The following EVA1B variants were observed in gnomAD, a reference collection of about 807,000 sequenced individuals.
EVA1B encodes eva-1 homolog B, also known as protein eva-1 homolog B.
A neutral mutation model predicts 4.6 loss-of-function variants in EVA1B; 2 were observed. The observed-to-expected ratio is 0.43, with a 90% CI of 0.18 to 1.37. EVA1B has a LOEUF of 1.37. Among genes scored for constraint, EVA1B ranks in the 40% most tolerant of loss-of-function variants. The probability of loss-of-function intolerance (pLI) is 0.28; values close to 1 mark genes in which losing one functional copy is unlikely to be tolerated. For missense variants in EVA1B, 263 were observed against 240.4 expected, an observed-to-expected ratio of 1.09 and a Z score of -0.62; for synonymous variants, 124 against 115.8, an observed-to-expected ratio of 1.07 and a Z score of -0.46.
Position 36,322,677 on chromosome 1 carries a change from C to A in EVA1B, c.116G>T (p.Gly39Val). The change falls in exon 3 of 3, where the codon GGC becomes GTC. Residue 39 changes from glycine to valine, a missense_variant. Transcript: ENST00000490466. Reference protein sequence around the residue: ...GLYFVLGVCFGLLLTLCLLVI... With the variant: ...GLYFVLGVCFVLLLTLCLLVI... ...GAGCAGGCAGAGGGTGAGCAGCAGG[C>A]CGAAGCAGACGCCCAGCACGAAGTA... The A allele has an allele frequency of 6.5e-7, 1 of 1,547,188 alleles. No homozygotes were observed. Among genetic ancestry groups the A allele is most frequent in the Non-Finnish European group, 8.7e-7 (1 of 1,146,782 alleles).
Position 36,322,961 on chromosome 1 carries a change from C to T in EVA1B, c.67+10G>A. ...GTTCAGGCCCCCAGTCTTCCGGCGCCCGCCCTCACCGCGGATGTGCGCGTA... is the reference window on the plus strand; with the variant it reads ...GTTCAGGCCCCCAGTCTTCCGGCGCTCGCCCTCACCGCGGATGTGCGCGTA... On this transcript the variant is annotated intron_variant, in intron 2 of 2. Transcript: ENST00000490466. 6.2e-7 allele frequency: 1 copy of T among 1,606,352 alleles called. No homozygotes were observed. The highest frequency in any genetic ancestry group is 8.5e-7 in the Non-Finnish European group (1 of 1,177,232).
At chr1:36,323,667 CGGGCGGGGAGGCGGGGA>C (rs1256869382), upstream of EVA1B, 2 of 151,014 alleles carry the variant, frequency 1.3e-5, no homozygotes, top group African/African-American at 2.4e-5. Context: ...CGGGGCGGGG[CGGGCGGGGAGGCGGGGA>C]GGAAAAGGGC....
In EVA1B at chr1:36,322,966, C is replaced by T. The variant is rs1262787388; in HGVS notation, c.67+5G>A. 1.5e-5 allele frequency: 24 copies of T among 1,606,180 alleles called. No individual in the cohort carries two copies. The highest frequency in any genetic ancestry group is 2.0e-5 in the Non-Finnish European group (24 of 1,177,232). The stretch of plus-strand genomic sequence containing the variant: ...GGCCCCCAGTCTTCCGGCGCCCGCC[C>T]TCACCGCGGATGTGCGCGTAGGCAG... On this transcript the variant is annotated splice_donor_5th_base_variant and intron_variant, in intron 2 of 2. Coordinates refer to ENST00000490466, the MANE Select transcript of EVA1B (RefSeq NM_001304762.2).
rs2124707365 is a variant in EVA1B at position 36,323,524 on chromosome 1, G to GCCGCCC, written c.-102_-97dup. ...CCCGCGGCCGCATACACTGGGTCCG[G>GCCGCCC]CCGCCCCCGCCCGCTCGGGTCCCGC... is the stretch of plus-strand genomic sequence containing the variant. On this transcript the variant is annotated 5_prime_UTR_variant, in exon 1 of 3. Transcript: ENST00000490466. 6.6e-6 allele frequency: 1 copy of GCCGCCC among 152,184 alleles called. No homozygotes were observed. Among genetic ancestry groups the GCCGCCC allele is most frequent in the Non-Finnish European group, 1.5e-5 (1 of 68,052 alleles). 9.4% of individuals were successfully genotyped at this position (152,184 alleles called of 1,614,324 possible).
chr1:36,322,219 C>A lies in EVA1B; in HGVS notation c.*76G>T. 1 of 1,406,154 alleles carries A rather than the reference C, an allele frequency of 7.1e-7. No homozygotes were observed. Among genetic ancestry groups the A allele is most frequent in the Non-Finnish European group, 9.2e-7 (1 of 1,081,934 alleles). The allele number at this position is 1,406,154 out of a possible 1,614,324, so 87.1% of individuals were successfully genotyped here. A position where few individuals can be genotyped will look rare whatever the true frequency, so the allele number is the denominator to read the frequency against. On this transcript the variant is annotated 3_prime_UTR_variant, in exon 3 of 3. Transcript: ENST00000490466. Reference sequence around the variant, plus strand: ...TGGGAGCTGTGGGGGCCGAGGCAGTCCGAAGGTGTGGGGTAGCTCTGAGCT... The same window carrying A: ...TGGGAGCTGTGGGGGCCGAGGCAGTACGAAGGTGTGGGGTAGCTCTGAGCT...
Position 36,322,395 on chromosome 1 carries a change from C to T in EVA1B, c.398G>A (p.Arg133Gln), listed in dbSNP as rs1316690738. The change falls in exon 3 of 3, where the codon CGG (arginine) becomes CAG (glutamine). Residue 133 changes from arginine to glutamine, a missense_variant. Arg to Gln is a conservative substitution (Grantham distance 43). Transcript: ENST00000490466. ...QRLEERERIL[R>Q]EIWRTGQPDL... ...CGGCTGCCCGGTGCGCCAGATCTCC[C>T]GCAGGATCCGTTCGCGCTCCTCCAG... 3.1e-6 allele frequency: 5 copies of T among 1,598,408 alleles called. No homozygotes were observed. Among genetic ancestry groups the T allele is most frequent in the Admixed American group, 3.3e-5 (2 of 59,762 alleles).
chr1:36,322,317 A>T lies in EVA1B; in HGVS notation c.476T>A (p.Leu159Gln). The T allele has an allele frequency of 6.4e-7, 1 of 1,555,116 alleles. No individual in the cohort carries two copies. The highest frequency in any genetic ancestry group is 1.4e-5 in the African/African-American group (1 of 73,582). Residue 159 changes from leucine to glutamine, a missense_variant, in exon 3 of 3, where the codon CTG (leucine) becomes CAG (glutamine). Leu to Gln is a moderately radical substitution (Grantham distance 113, BLOSUM62 -2). Transcript: ENST00000490466. ...CCATCAGTAATAGTGCATGCGGCCC[A>T]GGGTGCCCGTGGCCGTGGGGCTGGG... ...LGPSPTATGTLGRMHYY is the reference protein window; with the variant it reads ...LGPSPTATGTQGRMHYY
chr1:36,323,706 G>A (rs1646509222), upstream of EVA1B: 1 of 152,108 alleles, frequency 6.6e-6, no homozygotes, highest in Admixed American at 6.5e-5. Flanking sequence ...GGGAGAGGAA[G>A]GGGAGAGGAG....
chr1:36,322,885 G>A, intron 2 of EVA1B, 86 bp downstream of exon 2: 2 of 1,552,814 alleles, frequency 1.3e-6, no homozygotes, highest in Non-Finnish European at 1.8e-6. Flanking sequence ...GAGCGGGGCG[G>A]AGGGGACGGA....
At chr1:36,324,133 CT>C (rs1646516435), upstream of EVA1B, 2 of 152,248 alleles carry the variant, frequency 1.3e-5, no homozygotes, top group Admixed American at 1.3e-4. Context: ...TCCACCCCTC[CT>C]TCCAGGGCCC....
intron 1 of EVA1B, 134 bp downstream of exon 1, chr1:36,323,325 G>T: frequency 2.5e-6 from 1 of 395,484 alleles, no homozygotes; most frequent in South Asian, 3.9e-5. Flanking sequence ...GCCCGGTTCC[G>T]CCGTCCCGGG....
rs1646507136 is a variant in EVA1B, at chr1:36,323,645, G to A, written c.-217C>T. On this transcript the variant is annotated 5_prime_UTR_variant, in exon 1 of 3. Transcript: ENST00000490466. ...GCGGAAAGTTTCCTCCGAGGAAAGA[G>A]GAGGGACGGGGCGGGGCGGGGCGGG... 6.6e-6 allele frequency: 1 copy of A among 152,170 alleles called. No homozygotes were observed. The allele number at this position is 152,170 out of a possible 1,614,324, so 9.4% of individuals were successfully genotyped here.
In EVA1B at chr1:36,322,344, C is replaced by G. The variant is rs1359846535; in HGVS notation, c.449G>C (p.Gly150Ala). ...GGTGCCCGTGGCCGTGGGGCTGGGCCCCAGCGTGCCTGTGCCCAGCAGGTC... is the reference window on the plus strand; with the variant it reads ...GGTGCCCGTGGCCGTGGGGCTGGGCGCCAGCGTGCCTGTGCCCAGCAGGTC... The part of the protein sequence containing the change: ...QPDLLGTGTL[G>A]PSPTATGTLG... Residue 150 changes from glycine to alanine, a missense_variant, in exon 3 of 3, where the codon GGG becomes GCG. Transcript: ENST00000490466. The G allele has an allele frequency of 6.3e-7, 1 of 1,579,090 alleles. No homozygotes were observed. Among genetic ancestry groups the G allele is most frequent in the Non-Finnish European group, 8.5e-7 (1 of 1,170,900 alleles).
intron 2 of EVA1B, 90 bp downstream of exon 2, chr1:36,322,881 G>T: frequency 6.5e-7 from 1 of 1,549,284 alleles, no homozygotes; most frequent in Non-Finnish European, 8.8e-7. Flanking sequence ...CGGGGAGCGG[G>T]GCGGAGGGGA....
rs778420180 is a variant in EVA1B, at chr1:36,322,437, A to T, written c.356T>A (p.Leu119Gln). ...CTCCTCCAGCCGCTGCGCCCGCTCCAGCTCCTCCGCCGACGTGAAGACGTT... is the reference window on the plus strand; with the variant it reads ...CTCCTCCAGCCGCTGCGCCCGCTCCTGCTCCTCCGCCGACGTGAAGACGTT... ...NVNVFTSAEELERAQRLEERE... is the reference protein window; with the variant it reads ...NVNVFTSAEEQERAQRLEERE... Residue 119 changes from leucine (L) to glutamine (Q), a missense_variant, in exon 3 of 3, where the codon CTG (leucine) becomes CAG (glutamine). Coordinates refer to ENST00000490466, the MANE Select transcript of EVA1B (RefSeq NM_001304762.2). The T allele has an allele frequency of 1.2e-6, 2 of 1,603,954 alleles. No individual in the cohort carries two copies. Among genetic ancestry groups the T allele is most frequent in the Admixed American group, 3.3e-5 (2 of 59,936 alleles).
At chr1:36,323,776 GCCGGGGAGGCCGCGGCAGGGACCC>G (rs1646511020), upstream of EVA1B, 2 of 152,292 alleles carry the variant, frequency 1.3e-5, no homozygotes, top group African/African-American at 4.8e-5. Context: ...ACAGGAAACC[GCCGGGGAGGCCGCGGCAGGGACCC>G]GCCCCCAGGC....
intron 2 of EVA1B, 105 bp from the exon 3 acceptor site, chr1:36,322,830 CT>C (rs1646490920): frequency 4.0e-6 from 6 of 1,493,176 alleles, no homozygotes; most frequent in Admixed American, 1.9e-5. Flanking sequence ...CCTGTAACCC[CT>C]ACTCGAAGGG....
chr1:36,322,265 C>G lies in EVA1B; in HGVS notation c.*30G>C. ...GAGCTCATGTGCAGGTCCGGTACCC[C>G]GAGCGCCTTGCAGCGGGAGCCGGGG... On this transcript the variant is annotated 3_prime_UTR_variant, in exon 3 of 3. Coordinates refer to ENST00000490466, the MANE Select transcript of EVA1B (RefSeq NM_001304762.2). 6.8e-7 allele frequency: 1 copy of G among 1,468,618 alleles called. No individual in the cohort carries two copies. The highest frequency in any genetic ancestry group is 9.0e-7 in the Non-Finnish European group (1 of 1,115,366). The allele number at this position is 1,468,618 out of a possible 1,614,324, so 91.0% of individuals were successfully genotyped here. A position where few individuals can be genotyped will look rare whatever the true frequency, so the allele number is the denominator to read the frequency against.
upstream of EVA1B, chr1:36,324,088 C>G (rs1208375980): frequency 1.3e-5 from 2 of 152,288 alleles, no homozygotes; most frequent in Non-Finnish European, 2.9e-5. Flanking sequence ...GCTTCTCTTC[C>G]CCAGACCCAT....
Sources: gnomAD v4.1 joint callset for allele counts on GRCh38, gnomAD v4.1.1 for gene constraint, MANE v1.5 for transcripts, NCBI Gene and HGNC (gene_info 2026-07-23, HGNC 2026-07-21) for gene names.